The following PTPRO variants were observed in gnomAD, a reference collection of about 807,000 sequenced individuals.
The protein encoded by PTPRO is receptor-type tyrosine-protein phosphatase O.
A neutral mutation model predicts 145.2 loss-of-function variants in PTPRO; 62 were observed. The ratio of observed to expected loss-of-function variants is 0.43; its 90% CI spans 0.35 to 0.53. PTPRO has a LOEUF of 0.53. PTPRO is among the 20% of genes least tolerant of loss of function. The probability of loss-of-function intolerance (pLI) is 0.01; values close to 1 mark genes in which losing one functional copy is unlikely to be tolerated. For synonymous variants in PTPRO, 565 were observed against 514.7 expected, an observed-to-expected ratio of 1.10 and a Z score of -1.32; for missense variants, 1,345 against 1,482.7, an observed-to-expected ratio of 0.91 and a Z score of 1.53.
Position 15,563,610 on chromosome 12 carries a change from G to A in PTPRO, c.2712-1983G>A, listed in dbSNP as rs573119163. ...TAATATGTCATACAAAACATGTAGT[G>A]GAATTATACGTTATATTGAAAGTTC... On this transcript the variant is annotated intron_variant, in intron 17 of 26. Coordinates refer to ENST00000281171, the MANE Select transcript of PTPRO (RefSeq NM_030667.3). Among the ~76,000 whole-genome samples, 8 of 151,974 alleles carry A rather than the reference G, an allele frequency of 5.3e-5. No homozygotes were observed. In the South Asian group the frequency reaches 1.7e-3, roughly 32 times the overall value.
intron 1 of PTPRO, 37 bp from the exon 2 acceptor site, chr12:15,483,937 T>A (rs750340244): frequency 1.1e-5 from 18 of 1,599,512 alleles, no homozygotes; most frequent in Non-Finnish European, 1.5e-5. Context: ...TATCTGAATA[T>A]AACCTCCATC....
chr12:15,389,010 C>T (rs1939111477), intron 1 of PTPRO, among the ~76,000 whole-genome samples: 1 of 151,698 alleles, frequency 6.6e-6, no homozygotes, highest in Non-Finnish European at 1.5e-5. Flanking sequence ...GTCTTTTTAT[C>T]TATTTTGATG....
chr12:15,516,741 C>T lies in PTPRO; in HGVS notation c.1586-22C>T, dbSNP rs1210070769. On this transcript the variant is annotated intron_variant, in intron 8 of 26. Transcript: ENST00000281171. ...ATTCCTTCTTAACTTTCTTTTTCTA[C>T]CCCCTGCCCTCTTCTTTCTAGTTCC... 4 of 1,572,240 alleles carry T rather than the reference C, an allele frequency of 2.5e-6. No individual in the cohort carries two copies. The African/African-American group carries it at 4.1e-5, about 16-fold the overall frequency.
chr12:15,427,704 T>C lies in PTPRO; in HGVS notation c.76-56270T>C, dbSNP rs540894237. ...ATAAATTTATTAGGTCTGATAATTT[T>C]ATTATTAGACCTTCACTAAAATGTT... is the stretch of plus-strand genomic sequence containing the variant. On this transcript the variant is annotated intron_variant, in intron 1 of 26. Coordinates refer to ENST00000281171, the MANE Select transcript of PTPRO (RefSeq NM_030667.3). Among the ~76,000 whole-genome samples the C allele has an allele frequency of 4.8e-3, 723 of 152,066 alleles. 7 individuals carry two copies. Among genetic ancestry groups the C allele is most frequent in the African/African-American group, 0.017 (702 of 41,554 alleles).
At chr12:15,576,470 C>T (rs994803597) in intron 19 of PTPRO, among the ~76,000 whole-genome samples, 15 of 152,212 alleles carry the variant, frequency 9.9e-5, no homozygotes, top group African/African-American at 3.6e-4. Context: ...TCAGCTTCCA[C>T]ATGTGCTCAA....
At chr12:15,330,240 C>T (rs531641626) in intron 1 of PTPRO, among the ~76,000 whole-genome samples, 3 of 152,204 alleles carry the variant, frequency 2.0e-5, no homozygotes, top group Non-Finnish European at 2.9e-5. Flanking sequence ...AATTAAGAGA[C>T]GACAAACACT....
At chr12:15,523,427 A>T (rs1285316522) in intron 10 of PTPRO, among the ~76,000 whole-genome samples, 2 of 152,190 alleles carry the variant, frequency 1.3e-5, no homozygotes, top group Non-Finnish European at 2.9e-5. Context: ...CCTATATAGT[A>T]TAAAGCTTGT....
chr12:15,485,964 T>C (rs898938781), intron 2 of PTPRO, among the ~76,000 whole-genome samples: 11 of 152,152 alleles, frequency 7.2e-5, no homozygotes, highest in African/African-American at 2.7e-4. Flanking sequence ...TTGAAAATTG[T>C]TGAGATTTGT....
chr12:15,420,145 T>A (rs1355973443), intron 1 of PTPRO, among the ~76,000 whole-genome samples: 1 of 46,178 alleles, frequency 2.2e-5, no homozygotes, highest in Non-Finnish European at 3.6e-5. Flanking sequence ...AGACTCCGAC[T>A]CAGAAAAAAA....
At chr12:15,434,763 A>G (rs1940548494) in intron 1 of PTPRO, among the ~76,000 whole-genome samples, 1 of 152,164 alleles carries the variant, frequency 6.6e-6, no homozygotes, top group African/African-American at 2.4e-5. Flanking sequence ...AGAGCTGTTG[A>G]ATGTGTGCAA....
At chr12:15,549,631 G>A (rs1439055402) in intron 14 of PTPRO, among the ~76,000 whole-genome samples, 1 of 152,100 alleles carries the variant, frequency 6.6e-6, no homozygotes, top group Non-Finnish European at 1.5e-5. Flanking sequence ...TTGATAACTG[G>A]GTCAAAGCAA....
intron 6 of PTPRO, 90 bp downstream of exon 6, chr12:15,504,159 CA>C: frequency 3.6e-6 from 5 of 1,379,930 alleles, no homozygotes; most frequent in Non-Finnish European, 4.1e-6. Flanking sequence ...CAATTATTCA[CA>C]AACCTTAGGG....
chr12:15,541,677 G>A (rs1943182555), intron 12 of PTPRO, among the ~76,000 whole-genome samples: 1 of 152,138 alleles, frequency 6.6e-6, no homozygotes, highest in Non-Finnish European at 1.5e-5. Context: ...TTAGATTAGA[G>A]CACGTGCTAA....
At chr12:15,523,722 C>T (rs779138167) in intron 10 of PTPRO, among the ~76,000 whole-genome samples, 24 of 152,246 alleles carry the variant, frequency 1.6e-4, no homozygotes, top group Middle Eastern at 3.4e-3. Context: ...CTGCAGTAAG[C>T]TGAGATTGCG....
At chr12:15,387,789 T>C (rs946509510) in intron 1 of PTPRO, among the ~76,000 whole-genome samples, 5 of 152,230 alleles carry the variant, frequency 3.3e-5, no homozygotes, top group African/African-American at 9.6e-5. Context: ...TATTTTAATA[T>C]GTAACAGACC....
chr12:15,426,765 T>G (rs1218366900), intron 1 of PTPRO, among the ~76,000 whole-genome samples: 1 of 151,972 alleles, frequency 6.6e-6, no homozygotes, highest in African/African-American at 2.4e-5. Context: ...GATTTGGAGT[T>G]AAGTTTTCCA....
At chr12:15,502,213 C>T in intron 5 of PTPRO, 150 bp downstream of exon 5, 1 of 808,376 alleles carries the variant, frequency 1.2e-6, no homozygotes, top group East Asian at 2.7e-5. Flanking sequence ...ATTGAGTATC[C>T]AATGCAGACT....
rs144327196 is a variant in PTPRO, at chr12:15,575,136, A to C, written c.2830-3717A>C. Reference sequence around the variant, plus strand: ...AAGATGAGGTCCTTGTCCATCCCACAGCCATGAAAATTTAGGTTCACAGGC... The same window carrying C: ...AAGATGAGGTCCTTGTCCATCCCACCGCCATGAAAATTTAGGTTCACAGGC... On this transcript the variant is annotated intron_variant, in intron 19 of 26. Transcript: ENST00000281171. Among the ~76,000 whole-genome samples the C allele has an allele frequency of 2.4e-3, 369 of 152,346 alleles. 4 individuals are homozygous for C. Among genetic ancestry groups the C allele is most frequent in the African/African-American group, 8.3e-3 (347 of 41,574 alleles).
In PTPRO at chr12:15,483,981, C is replaced by T. The variant is rs773301003; in HGVS notation, c.83C>T (p.Thr28Ile). Residue 28 changes from threonine (T) to isoleucine (I), a missense_variant, in exon 2 of 27, where the codon ACA becomes ATA. Transcript: ENST00000281171. ...LWLFVLFKNATAFHVTVQDDN... is the reference protein window; with the variant it reads ...LWLFVLFKNAIAFHVTVQDDN... ...TTCTGTTTCATTCAACAGAATGCTA[C>T]AGCTTTCCATGTAACTGTCCAAGAT... The T allele has an allele frequency of 6.2e-7, 1 of 1,613,380 alleles. No homozygotes were observed. Among genetic ancestry groups the T allele is most frequent in the Admixed American group, 1.7e-5 (1 of 60,004 alleles).
Sources: allele counts gnomAD v4.1 joint callset (sites outside exome capture counted in the v4.1 genomes callset), GRCh38; gene constraint gnomAD v4.1.1; transcripts MANE v1.5; gene names NCBI Gene and HGNC (gene_info 2026-07-23, HGNC 2026-07-21).